The following SLX4IP variants were observed in gnomAD, a reference collection of about 807,000 sequenced individuals.
SLX4IP encodes protein SLX4IP.
A neutral mutation model predicts 32.9 loss-of-function variants in SLX4IP; 34 were observed. The ratio of observed to expected loss-of-function variants is 1.03; its 90% CI spans 0.79 to 1.38. The LOEUF (loss-of-function observed/expected upper bound fraction) is 1.38. SLX4IP is among the 40% of genes most tolerant of loss of function. SLX4IP has a pLI of 0.00. For missense variants in SLX4IP, 444 were observed against 479.0 expected (o/e 0.93, Z 0.68); for synonymous variants, 172 against 171.7 (o/e 1.00, Z -0.01).
At chr20:10,492,975 C>CTT (rs139913424) in intron 2 of SLX4IP, among the ~76,000 whole-genome samples, 13 of 149,582 alleles carry the variant, frequency 8.7e-5, no homozygotes, top group South Asian at 2.1e-4. Flanking sequence ...TATCACAAGT[C>CTT]TTTTTTTTTT....
At chr20:10,597,357 G>A (rs6040038) in intron 4 of SLX4IP, among the ~76,000 whole-genome samples, 103,475 of 152,066 alleles carry the variant, frequency 0.68, 35,706 homozygotes, top group East Asian at 0.8. Flanking sequence ...CGGTTTTACT[G>A]TGATTTCAGG....
chr20:10,516,185 G>A (rs188719636), intron 2 of SLX4IP, among the ~76,000 whole-genome samples: 133 of 152,312 alleles, frequency 8.7e-4, no homozygotes, highest in Middle Eastern at 6.8e-3. Flanking sequence ...TCCATGCCTG[G>A]CCTCGTGAGG....
chr20:10,603,710 G>A (rs1207184409), intron 6 of SLX4IP, among the ~76,000 whole-genome samples: 1 of 152,026 alleles, frequency 6.6e-6, no homozygotes, highest in Non-Finnish European at 1.5e-5. Flanking sequence ...GTTTCATCTC[G>A]GGGCTCAAGC....
intron 2 of SLX4IP, among the ~76,000 whole-genome samples, chr20:10,493,781 T>C (rs147288591): frequency 3.9e-5 from 6 of 152,062 alleles, no homozygotes; most frequent in Non-Finnish European, 4.4e-5. Flanking sequence ...GAAAAATGTT[T>C]CCTACTGGTC....
intron 2 of SLX4IP, among the ~76,000 whole-genome samples, chr20:10,510,811 C>A (rs534411124): frequency 6.6e-6 from 1 of 151,992 alleles, no homozygotes; most frequent in South Asian, 2.1e-4. Context: ...TCACCATGTT[C>A]GCCAGGATGG....
intron 2 of SLX4IP, among the ~76,000 whole-genome samples, chr20:10,504,780 G>T (rs780636678): frequency 1.4e-4 from 22 of 152,086 alleles, no homozygotes; most frequent in Non-Finnish European, 2.8e-4. Context: ...GGAAGAGTAC[G>T]CAACACACAC....
intron 6 of SLX4IP, among the ~76,000 whole-genome samples, chr20:10,608,803 C>T (rs1210787256): frequency 6.6e-6 from 1 of 151,844 alleles, no homozygotes; most frequent in African/African-American, 2.4e-5. Flanking sequence ...CATTAACAGA[C>T]TGCTGTACAA....
At chr20:10,456,976 G>A (rs554849874) in intron 1 of SLX4IP, among the ~76,000 whole-genome samples, 9 of 152,124 alleles carry the variant, frequency 5.9e-5, no homozygotes, top group African/African-American at 1.9e-4. Context: ...TCTTTTTCAT[G>A]TTATTATGAA....
At chr20:10,612,589 A>G (rs1479394680) in intron 6 of SLX4IP, among the ~76,000 whole-genome samples, 3 of 152,166 alleles carry the variant, frequency 2.0e-5, no homozygotes, top group Non-Finnish European at 2.9e-5. Flanking sequence ...CCTGTTGCCC[A>G]TGCTGGAGTG....
chr20:10,575,200 T>C (rs927401634), intron 4 of SLX4IP, among the ~76,000 whole-genome samples: 12 of 152,302 alleles, frequency 7.9e-5, no homozygotes, highest in African/African-American at 2.9e-4. Flanking sequence ...ACATTTCTTT[T>C]GGTGATCTGT....
intron 4 of SLX4IP, among the ~76,000 whole-genome samples, chr20:10,591,869 C>T (rs981820924): frequency 6.6e-6 from 1 of 152,160 alleles, no homozygotes; most frequent in Admixed American, 6.5e-5. Context: ...TTTTTGTCTG[C>T]TCTGAAAAGC....
chr20:10,594,947 A>G (rs1356041901), intron 4 of SLX4IP, among the ~76,000 whole-genome samples: 3 of 152,112 alleles, frequency 2.0e-5, no homozygotes, highest in South Asian at 4.1e-4. Context: ...CAACTTAGGT[A>G]AGCCAGAAGA....
intron 6 of SLX4IP, among the ~76,000 whole-genome samples, chr20:10,610,706 T>G (rs2066956732): frequency 6.6e-6 from 1 of 152,230 alleles, no homozygotes; most frequent in East Asian, 1.9e-4. Flanking sequence ...TCAGTCCCAG[T>G]GGAATTCATG....
At chr20:10,486,110 G>A (rs973969144) in intron 2 of SLX4IP, among the ~76,000 whole-genome samples, 3 of 151,436 alleles carry the variant, frequency 2.0e-5, no homozygotes, top group Admixed American at 2.0e-4. Context: ...TATTCAAGAG[G>A]GTTTGTTTAT....
At chr20:10,480,319 G>A (rs1489924824) in intron 2 of SLX4IP, among the ~76,000 whole-genome samples, 1 of 151,992 alleles carries the variant, frequency 6.6e-6, no homozygotes, top group African/African-American at 2.4e-5. Context: ...AGGATCACCT[G>A]AGCCTGGGAG....
intron 2 of SLX4IP, among the ~76,000 whole-genome samples, chr20:10,522,090 C>T (rs1183533641): frequency 6.6e-6 from 1 of 152,188 alleles, no homozygotes; most frequent in Non-Finnish European, 1.5e-5. Context: ...TTTCACCCCC[C>T]TTCAAGAGAT....
intron 6 of SLX4IP, among the ~76,000 whole-genome samples, chr20:10,607,768 GA>G (rs1031970192): frequency 2.9e-3 from 421 of 145,618 alleles, no homozygotes; most frequent in African/African-American, 7.7e-3. Context: ...GAGAAAATAA[GA>G]AAAAAAAAAA....
Position 10,441,731 on chromosome 20 carries a change from GT to G in SLX4IP, c.-30+6289del, listed in dbSNP as rs3064149. ...TGTTGAATCTGACGTGTTTGTTTTT[GT>G]TTTTTTTTTTATAAGTAAACTTTGG... On this transcript the variant is annotated intron_variant, in intron 1 of 7. Transcript: ENST00000334534. 5.6e-3 allele frequency among the ~76,000 whole-genome samples: 830 copies of G among 147,672 alleles called. 3 individuals carry two copies. Among genetic ancestry groups the G allele is most frequent in the African/African-American group, 0.019 (751 of 40,086 alleles).
In SLX4IP at chr20:10,627,577, G is replaced by C. The variant is rs2067187851; in HGVS notation, c.*4198G>C. ...GGGAACAAATATGTGTCAATGTGCA[G>C]CTTAACAGAGGGGACTTGAATGGAT... On this transcript the variant is annotated 3_prime_UTR_variant, in exon 8 of 8. Coordinates refer to ENST00000334534, the MANE Select transcript of SLX4IP (RefSeq NM_001009608.3). 6.6e-6 allele frequency: 1 copy of C among 152,186 alleles called. No homozygotes were observed. Among genetic ancestry groups the C allele is most frequent in the South Asian group, 2.1e-4 (1 of 4,830 alleles). 9.4% of individuals were successfully genotyped at this position (152,186 alleles called of 1,614,324 possible).
Sources: gnomAD v4.1 joint callset for allele counts (sites outside exome capture counted in the v4.1 genomes callset) on GRCh38, gnomAD v4.1.1 for gene constraint, MANE v1.5 for transcripts, NCBI Gene and HGNC (gene_info 2026-07-23, HGNC 2026-07-21) for gene names.